Variants in PAH observed in about 807,000 individuals in gnomAD.
PAH encodes the protein phenylalanine hydroxylase.
Under a neutral mutation model 62.0 loss-of-function variants are expected in PAH, and 64 were observed. That is an observed-to-expected ratio of 1.03 (90% CI 0.84 to 1.27). The LOEUF (loss-of-function observed/expected upper bound fraction) is 1.27. Ranked by LOEUF, PAH falls within the 50% of genes most tolerant of loss-of-function variation. The pLI is 0.00. For synonymous variants in PAH, 195 were observed against 196.2 expected, an observed-to-expected ratio of 0.99 and a Z score of 0.05; for missense variants, 579 against 542.8, an observed-to-expected ratio of 1.07 and a Z score of -0.66.
upstream of PAH, among the ~76,000 whole-genome samples, chr12:102,951,884 C>G (rs1343153549): frequency 6.6e-6 from 1 of 151,118 alleles, no homozygotes; most frequent in Non-Finnish European, 1.5e-5. Flanking sequence ...TCTTGCCATT[C>G]ATTGCTTTTT....
At chr12:102,949,735 C>T (rs746043973) in intron 1 of PAH, among the ~76,000 whole-genome samples, 6 of 152,110 alleles carry the variant, frequency 3.9e-5, no homozygotes, top group Non-Finnish European at 8.8e-5. Flanking sequence ...CATAACAAGT[C>T]CACCACTTTT....
rs376480977 is a variant in PAH, at chr12:102,843,771, T to A, written c.1074A>T (p.Leu358Phe). Residue 358 changes from leucine (L) to phenylalanine (F), a missense_variant, in exon 11 of 13, where the codon TTA becomes TTT. Leu to Phe is a conservative substitution (Grantham distance 22, BLOSUM62 0). Coordinates refer to ENST00000553106, the MANE Select transcript of PAH (RefSeq NM_000277.3). ...LSSFGELQYCLSEKPKLLPLE... is the reference protein window; with the variant it reads ...LSSFGELQYCFSEKPKLLPLE... ...GGGGGAGAAGCTTTGGCTTCTCTGA[T>A]AAGCAGTACTGTAGGCCCCAAGTGA... The A allele has an allele frequency of 2.4e-5, 39 of 1,613,824 alleles. No homozygotes were observed. Among genetic ancestry groups the A allele is most frequent in the Non-Finnish European group, 3.2e-5 (38 of 1,179,844 alleles).
chr12:102,884,918 T>C (rs1432870305), intron 3 of PAH, among the ~76,000 whole-genome samples: 1 of 152,242 alleles, frequency 6.6e-6, no homozygotes, highest in African/African-American at 2.4e-5. Flanking sequence ...TAGACATTAT[T>C]GCTGTTCACT....
upstream of PAH, among the ~76,000 whole-genome samples, chr12:102,951,723 A>G (rs888259507): frequency 1.3e-5 from 2 of 152,176 alleles, no homozygotes; most frequent in African/African-American, 2.4e-5. Flanking sequence ...TTCTATTCAG[A>G]AAACAGTTTC....
intron 5 of PAH, among the ~76,000 whole-genome samples, chr12:102,861,840 G>C (rs1875734709): frequency 6.6e-6 from 1 of 151,938 alleles, no homozygotes; most frequent in South Asian, 2.1e-4. Context: ...GGGGTTGGGG[G>C]AAGGGGGAGG....
At chr12:102,922,609 A>T (rs1878584671) in intron 1 of PAH, among the ~76,000 whole-genome samples, 1 of 152,214 alleles carries the variant, frequency 6.6e-6, no homozygotes, top group Admixed American at 6.5e-5. Context: ...TATGTGGATT[A>T]TCGTAATTTA....
At chr12:102,909,926 T>C (rs1878135941) in intron 2 of PAH, among the ~76,000 whole-genome samples, 1 of 151,996 alleles carries the variant, frequency 6.6e-6, no homozygotes, top group Non-Finnish European at 1.5e-5. Flanking sequence ...ACCACTACAC[T>C]CCAGCCTGTG....
chr12:102,895,810 G>A (rs1233889656), intron 2 of PAH, among the ~76,000 whole-genome samples: 21 of 146,622 alleles, frequency 1.4e-4, no homozygotes, highest in Admixed American at 4.1e-4. Context: ...AGCCAAGATC[G>A]CGCCACTGCA....
Position 102,912,808 on chromosome 12 carries a change from C to T in PAH, c.151G>A (p.Val51Ile), listed in dbSNP as rs772159852. The T allele has an allele frequency of 6.2e-7, 1 of 1,612,022 alleles. No homozygotes were observed. The highest frequency in any genetic ancestry group is 1.3e-5 in the African/African-American group (1 of 74,888). ...LKEEVGALAKVLRLFEENDVN... is the reference protein window; with the variant it reads ...LKEEVGALAKILRLFEENDVN... Reference sequence around the variant, plus strand: ...GCACTGACCTCAAATAAGCGCAATACTTTGGCCAATGCACCAACTTCTTCT... The same window carrying T: ...GCACTGACCTCAAATAAGCGCAATATTTTGGCCAATGCACCAACTTCTTCT... The change falls in exon 2 of 13, where the codon GTA becomes ATA. Residue 51 changes from valine to isoleucine, a missense_variant. Transcript: ENST00000553106.
At chr12:102,892,197 G>A (rs1877306246) in intron 3 of PAH, among the ~76,000 whole-genome samples, 1 of 152,178 alleles carries the variant, frequency 6.6e-6, no homozygotes, top group African/African-American at 2.4e-5. Flanking sequence ...AGGCAGAGAT[G>A]AGTCTCCTAG....
At chr12:102,914,869 T>A (rs1428771088) in intron 1 of PAH, among the ~76,000 whole-genome samples, 1 of 152,166 alleles carries the variant, frequency 6.6e-6, no homozygotes, top group Non-Finnish European at 1.5e-5. Flanking sequence ...TCTGATCTCA[T>A]CTTCTCCAGA....
intron 1 of PAH, among the ~76,000 whole-genome samples, chr12:102,932,364 A>T (rs1878913964): frequency 1.3e-5 from 2 of 152,248 alleles, no homozygotes; most frequent in African/African-American, 2.4e-5. Context: ...ATGAACATTT[A>T]TTAAATGCCT....
chr12:102,866,610 G>A lies in PAH; in HGVS notation c.495C>T (p.Ala165=), dbSNP rs1875979842. 5.6e-6 allele frequency: 9 copies of A among 1,613,528 alleles called. No homozygotes were observed. Among genetic ancestry groups the A allele is most frequent in the Non-Finnish European group, 7.6e-6 (9 of 1,179,558 alleles). The change falls in exon 5 of 13, where the codon GCC becomes GCT. Residue 165 remains alanine, a synonymous_variant. Transcript: ENST00000553106. ...RARRKQFADI[A]YNYRHGQPIP... ...GGCAGACTTACTGGCGGTAGTTGTA[G>A]GCAATGTCAGCAAACTGCTTCCGTC... is the stretch of plus-strand genomic sequence containing the variant.
Position 102,957,052 on chromosome 12 carries a change from G to C in PAH, c.-96+1143C>G, listed in dbSNP as rs1157640511. Among the ~76,000 whole-genome samples the C allele has an allele frequency of 6.6e-6, 1 of 152,142 alleles. No homozygotes were observed. Among genetic ancestry groups the C allele is most frequent in the East Asian group, 1.9e-4 (1 of 5,186 alleles). On this transcript the variant is annotated intron_variant, in intron 1 of 4. Transcript: ENST00000551337. This position sits in a 1 kb window ranked among gnomAD's most constrained non-coding sequence, Gnocchi z 4.1. ...GCACTTTTTTTCACTGTTCTGGACG[G>C]AGTCCCTCCCCCAACCATGTTTCTA...
intron 1 of PAH, 129 bp downstream of exon 1, chr12:102,916,942 T>A (rs1878405797): frequency 3.5e-6 from 3 of 846,334 alleles, no homozygotes; most frequent in Non-Finnish European, 6.1e-6. Flanking sequence ...CTGGATATTC[T>A]CATCAGCTTC....
intron 5 of PAH, among the ~76,000 whole-genome samples, chr12:102,866,359 C>T (rs556272335): frequency 2.5e-4 from 38 of 152,234 alleles, no homozygotes; most frequent in Admixed American, 2.2e-3. Flanking sequence ...GCAGGGCCCC[C>T]GCACAGTGGG....
At chr12:102,940,161 T>C (rs1455755273) in intron 1 of PAH, among the ~76,000 whole-genome samples, 1 of 152,118 alleles carries the variant, frequency 6.6e-6, no homozygotes, top group Non-Finnish European at 1.5e-5. Flanking sequence ...TCTGAAAACA[T>C]CTAGAAATGA....
In PAH at chr12:102,855,199, T is replaced by C. The variant is rs1166839656; in HGVS notation, c.643A>G (p.Lys215Glu). 1.2e-6 allele frequency: 2 copies of C among 1,614,082 alleles called. No individual in the cohort carries two copies. Among genetic ancestry groups the C allele is most frequent in the Non-Finnish European group, 1.7e-6 (2 of 1,180,034 alleles). The change falls in exon 6 of 13, where the codon AAG (lysine) becomes GAG (glutamate). Residue 215 changes from lysine (K) to glutamate (E), a missense_variant. By Grantham distance (56) the Lys-to-Glu change is moderately conservative. Transcript: ENST00000553106. ...TTATCTTCATGGAAGCCACAGTACT[T>C]TTCAAGAAGTGGAAAAATGTGATTG... Reference protein sequence around the residue: ...EYNHIFPLLEKYCGFHEDNIP... With the variant: ...EYNHIFPLLEEYCGFHEDNIP...
intron 1 of PAH, among the ~76,000 whole-genome samples, chr12:102,936,013 T>C (rs1879088617): frequency 6.6e-6 from 1 of 151,966 alleles, no homozygotes; most frequent in Admixed American, 6.6e-5. Context: ...TTGATGTGGA[T>C]ACTTATAGGT....
Sources: gnomAD v4.1 joint callset for allele counts (sites outside exome capture counted in the v4.1 genomes callset) on GRCh38, gnomAD v4.1.1 for gene constraint, Gnocchi (gnomAD v3.1) non-coding constraint, MANE v1.5 for transcripts, NCBI Gene and HGNC (gene_info 2026-07-23, HGNC 2026-07-21) for gene names.